SINHCAF: variants seen among roughly 807,000 people sequenced by gnomAD.
The protein encoded by SINHCAF is SIN3-HDAC complex-associated factor.
In SINHCAF, 3 loss-of-function variants were observed where a neutral mutation model predicts 25.8. The ratio of observed to expected loss-of-function variants is 0.12; its 90% CI spans 0.05 to 0.30. SINHCAF has a LOEUF of 0.30. SINHCAF is among the 10% of genes least tolerant of loss of function. The probability of loss-of-function intolerance (pLI) is 1.00; values close to 1 mark genes in which losing one functional copy is unlikely to be tolerated. For synonymous variants in SINHCAF, 70 were observed against 85.5 expected, an observed-to-expected ratio of 0.82 and a Z score of 1.00; for missense variants, 121 against 262.3, an observed-to-expected ratio of 0.46 and a Z score of 3.72.
chr12:31,298,447 C>A (rs78942358), intron 1 of SINHCAF: 1 of 481,846 alleles, frequency 2.1e-6, no homozygotes, highest in African/African-American at 1.9e-5. Context: ...GAGGACTCTA[C>A]TACCTCCTAA....
intron 1 of SINHCAF, among the ~76,000 whole-genome samples, chr12:31,315,695 G>A (rs1404680676): frequency 6.6e-6 from 1 of 152,188 alleles, no homozygotes; most frequent in Non-Finnish European, 1.5e-5. Context: ...GAGGAGGACT[G>A]TGTTGATCAG....
chr12:31,319,031 G>A (rs1271381155), intron 1 of SINHCAF, among the ~76,000 whole-genome samples: 1 of 152,142 alleles, frequency 6.6e-6, no homozygotes, highest in Non-Finnish European at 1.5e-5. Context: ...TTTAAGCCCA[G>A]GTCTGTGGGA....
chr12:31,304,992 T>G (rs1938961743), intron 1 of SINHCAF: 1 of 152,234 alleles, frequency 6.6e-6, no homozygotes, highest in Non-Finnish European at 1.5e-5. Flanking sequence ...AGGCCTGGTC[T>G]GAAGTCTTAG....
At chr12:31,310,258 C>T (rs535623567) in intron 1 of SINHCAF, among the ~76,000 whole-genome samples, 1 of 152,226 alleles carries the variant, frequency 6.6e-6, no homozygotes, top group Non-Finnish European at 1.5e-5. Flanking sequence ...ACCATGTTAA[C>T]TTTTTCATTC....
chr12:31,290,065 C>T (rs955783301), intron 4 of SINHCAF, among the ~76,000 whole-genome samples: 2 of 152,106 alleles, frequency 1.3e-5, no homozygotes, highest in African/African-American at 2.4e-5. Flanking sequence ...TAGCCTCAAG[C>T]GATCCTCCCA....
At chr12:31,303,482 AT>A (rs77618591) in intron 1 of SINHCAF, 2,357 of 147,262 alleles carry the variant, frequency 0.016, 69 homozygotes, top group African/African-American at 0.054. Context: ...GAGGGTGTTA[AT>A]TTTTTTTTTT....
intron 1 of SINHCAF, among the ~76,000 whole-genome samples, chr12:31,320,572 T>C (rs1939659605): frequency 6.6e-6 from 1 of 151,818 alleles, no homozygotes; most frequent in Admixed American, 6.6e-5. Context: ...ACTCAAAGAG[T>C]GGGGCAGCCA....
intron 1 of SINHCAF, among the ~76,000 whole-genome samples, chr12:31,301,442 C>A (rs888795058): frequency 1.3e-5 from 2 of 152,224 alleles, no homozygotes; most frequent in African/African-American, 4.8e-5. Context: ...GGCTTACCCT[C>A]TCCTAGGCAA....
At chr12:31,312,834 T>C (rs963915765) in intron 1 of SINHCAF, among the ~76,000 whole-genome samples, 1 of 152,228 alleles carries the variant, frequency 6.6e-6, no homozygotes, top group Non-Finnish European at 1.5e-5. Flanking sequence ...AATCTTTGCT[T>C]TCCTCCAGGT....
rs2066329870 is a variant in SINHCAF, at chr12:31,312,121, C to A, written c.-20-13897G>T. 9.2e-6 allele frequency: 4 copies of A among 436,302 alleles called. No individual in the cohort carries two copies. In the Admixed American group the frequency reaches 1.1e-4, roughly 12 times the overall value. 27.0% of individuals were successfully genotyped at this position (436,302 alleles called of 1,614,324 possible). A position where few individuals can be genotyped will look rare whatever the true frequency, so the allele number is the denominator to read the frequency against. On this transcript the variant is annotated intron_variant, in intron 1 of 5. Coordinates refer to ENST00000337682, the MANE Select transcript of SINHCAF (RefSeq NM_001135812.2). ...GGTAACAACTGACATTTATCACCAT[C>A]AATTGGTTTTTCCTGTTTTTAAACT...
rs1053057343 is a variant in SINHCAF, at chr12:31,324,759, C to T, written c.-21+1265G>A. Reference sequence around the variant, plus strand: ...ATCACCCTGGGTAGGGGTCCGGACCCCGCGCCCCGAAGAGTCCGGAGCCTG... The same window carrying T: ...ATCACCCTGGGTAGGGGTCCGGACCTCGCGCCCCGAAGAGTCCGGAGCCTG... On this transcript the variant is annotated intron_variant, in intron 1 of 5. Transcript: ENST00000337682. The surrounding 1 kb of genome is among the most constrained non-coding windows in gnomAD (Gnocchi z 5.5). 2.8e-6 allele frequency: 1 copy of T among 354,104 alleles called. No homozygotes were observed. Among genetic ancestry groups the T allele is most frequent in the African/African-American group, 2.1e-5 (1 of 46,772 alleles). 21.9% of individuals were successfully genotyped at this position (354,104 alleles called of 1,614,324 possible). A position where few individuals can be genotyped will look rare whatever the true frequency, so the allele number is the denominator to read the frequency against.
chr12:31,291,835 A>G (rs921227021), intron 4 of SINHCAF, among the ~76,000 whole-genome samples: 1 of 152,158 alleles, frequency 6.6e-6, no homozygotes, highest in Non-Finnish European at 1.5e-5. Flanking sequence ...GATACACAGA[A>G]GCAAACACAT....
In SINHCAF at chr12:31,324,184, C is replaced by A; in HGVS notation, c.-21+1840G>T. On this transcript the variant is annotated intron_variant, in intron 1 of 5. Transcript: ENST00000337682. This position sits in a 1 kb window ranked among gnomAD's most constrained non-coding sequence, Gnocchi z 5.5. Reference sequence around the variant, plus strand: ...CAACGGGCCCCGCGCCAGCCCGGCCCGGCGCCTCCCGCAGGCCGCGCCTCC... The same window carrying A: ...CAACGGGCCCCGCGCCAGCCCGGCCAGGCGCCTCCCGCAGGCCGCGCCTCC... 4.5e-6 allele frequency: 1 copy of A among 220,780 alleles called. No homozygotes were observed. The highest frequency in any genetic ancestry group is 8.8e-6 in the Non-Finnish European group (1 of 114,264). 13.7% of individuals were successfully genotyped at this position (220,780 alleles called of 1,614,324 possible). A position where few individuals can be genotyped will look rare whatever the true frequency, so the allele number is the denominator to read the frequency against.
intron 4 of SINHCAF, among the ~76,000 whole-genome samples, chr12:31,289,443 C>T (rs1938213645): frequency 6.6e-6 from 1 of 152,086 alleles, no homozygotes; most frequent in African/African-American, 2.4e-5. Context: ...AAAGAGAAAA[C>T]AAAAGATCCT....
rs149088237 is a variant in SINHCAF at position 31,306,921 on chromosome 12, A to G, written c.-20-8697T>C. The stretch of plus-strand genomic sequence containing the variant: ...GGGCTGACTTAGCCTGAAGAAGACC[A>G]GCTTCAATGACCATGGCACATCCTG... On this transcript the variant is annotated intron_variant, in intron 1 of 5. Coordinates refer to ENST00000337682, the MANE Select transcript of SINHCAF (RefSeq NM_001135812.2). Among the ~76,000 whole-genome samples, 7 of 152,330 alleles carry G rather than the reference A, an allele frequency of 4.6e-5. No individual in the cohort carries two copies. In the East Asian group the frequency reaches 1.4e-3, roughly 29 times the overall value.
intron 1 of SINHCAF, among the ~76,000 whole-genome samples, chr12:31,314,464 T>C (rs889912952): frequency 1.3e-5 from 2 of 151,888 alleles, no homozygotes; most frequent in African/African-American, 2.4e-5. Context: ...AGGCGGAGTT[T>C]GCAGTGAGCC....
intron 2 of SINHCAF, among the ~76,000 whole-genome samples, 176 bp from the exon 3 acceptor site, chr12:31,295,509 C>CT (rs1938512051): frequency 6.6e-6 from 1 of 152,162 alleles, no homozygotes; most frequent in African/African-American, 2.4e-5. Flanking sequence ...AAATTATCTT[C>CT]TAGATTCAAC....
intron 1 of SINHCAF, chr12:31,323,907 T>C (rs1939823619): frequency 4.4e-6 from 2 of 453,046 alleles, no homozygotes; most frequent in South Asian, 1.6e-5. Context: ...AGCAGTAAAA[T>C]GCCTCCCCGC....
intron 1 of SINHCAF, among the ~76,000 whole-genome samples, chr12:31,307,097 G>A (rs963322115): frequency 6.6e-6 from 1 of 152,222 alleles, no homozygotes; most frequent in African/African-American, 2.4e-5. Flanking sequence ...CTTATCAGAA[G>A]ACTGGCCAGG....
Sources: gnomAD v4.1 joint callset for allele counts (sites outside exome capture counted in the v4.1 genomes callset) on GRCh38, gnomAD v4.1.1 for gene constraint, Gnocchi (gnomAD v3.1) non-coding constraint, MANE v1.5 for transcripts, NCBI Gene and HGNC (gene_info 2026-07-23, HGNC 2026-07-21) for gene names.